Variants in LIN7B observed in about 807,000 individuals in gnomAD.
The protein encoded by LIN7B is lin-7 cell polarity scaffold B.
In LIN7B, 16 loss-of-function variants were observed where a neutral mutation model predicts 27.9. That is an observed-to-expected ratio of 0.57 (90% CI 0.39 to 0.87). The LOEUF is 0.87. LIN7B is among the 40% of genes least tolerant of loss of function. LIN7B has a pLI of 0.00. For synonymous variants in LIN7B, 147 were observed against 120.8 expected, an observed-to-expected ratio of 1.22 and a Z score of -1.42; for missense variants, 291 against 288.5, an observed-to-expected ratio of 1.01 and a Z score of -0.06.
chr19:49,114,473 G>A (rs2040789969), intron 1 of LIN7B, 32 bp downstream of exon 1: 2 of 1,205,542 alleles, frequency 1.7e-6, no homozygotes. Context: ...CTGCCCACCC[G>A]GGCCGCGGCC....
intron 4 of LIN7B, among the ~76,000 whole-genome samples, chr19:49,117,502 G>C (rs916556048): frequency 6.6e-6 from 1 of 152,140 alleles, no homozygotes; most frequent in African/African-American, 2.4e-5. Context: ...GGAGGCTGGG[G>C]TAAGAGTCCA....
rs142016055 is a variant in LIN7B, at chr19:49,118,138, C to T, written c.602+120C>T. On this transcript the variant is annotated intron_variant, in intron 5 of 5. Coordinates refer to ENST00000221459, the MANE Select transcript of LIN7B (RefSeq NM_022165.3). ...CCTGGCCCCTCCTCTGGGATCCTGA[C>T]CCTTGACCCTTGGCCCAGGCTCTCA... 1.2e-4 allele frequency: 180 copies of T among 1,486,252 alleles called. No homozygotes were observed. The African/African-American group carries it at 2.4e-3, about 20-fold the overall frequency. 92.1% of individuals were successfully genotyped at this position (1,486,252 alleles called of 1,614,324 possible). A position where few individuals can be genotyped will look rare whatever the true frequency, so the allele number is the denominator to read the frequency against.
chr19:49,116,187 C>T (rs774999303), intron 3 of LIN7B, 76 bp from the exon 4 acceptor site: 16 of 1,316,752 alleles, frequency 1.2e-5, no homozygotes, highest in East Asian at 1.2e-4. Flanking sequence ...TCGCTGTCCT[C>T]GGTCCACATC....
chr19:49,116,228 G>A, intron 3 of LIN7B, 35 bp from the exon 4 acceptor site: 1 of 1,585,570 alleles, frequency 6.3e-7, no homozygotes, highest in Non-Finnish European at 8.6e-7. Flanking sequence ...CTACCTGGAA[G>A]GGGCCCTCAT....
intron 3 of LIN7B, 56 bp downstream of exon 3, chr19:49,115,387 A>T: frequency 7.1e-7 from 1 of 1,418,380 alleles, no homozygotes; most frequent in Non-Finnish European, 9.7e-7. Flanking sequence ...GTCGAACTCA[A>T]TATCTCCTTC....
At chr19:49,118,054 A>T in intron 5 of LIN7B, 36 bp downstream of exon 5, 1 of 1,610,316 alleles carries the variant, frequency 6.2e-7, no homozygotes, top group Non-Finnish European at 8.5e-7. Context: ...TGGGGCCTCC[A>T]CGGGCTCCCT....
Position 49,114,859 on chromosome 19 carries a change from G to A in LIN7B, c.48G>A (p.Arg16=). The change falls in exon 2 of 6, where the codon CGG becomes CGA. Residue 16 remains arginine (R), a synonymous_variant. Transcript: ENST00000221459. ...GCCCCCGCCCCGCAGACGTGTCCCGGGCGGTTGAGCTCCTCGAGCGGCTCC... is the reference window on the plus strand; with the variant it reads ...GCCCCCGCCCCGCAGACGTGTCCCGAGCGGTTGAGCTCCTCGAGCGGCTCC... ...EPLGLERDVS[R]AVELLERLQR... is the part of the protein sequence containing the mutation. The A allele has an allele frequency of 6.8e-7, 1 of 1,461,588 alleles. No individual in the cohort carries two copies. The highest frequency in any genetic ancestry group is 1.3e-5 in the South Asian group (1 of 74,300). 90.5% of individuals were successfully genotyped at this position (1,461,588 alleles called of 1,614,324 possible).
chr19:49,114,791 C>G (rs1056377013), intron 1 of LIN7B, 58 bp from the exon 2 acceptor site: 3 of 1,063,194 alleles, frequency 2.8e-6, no homozygotes, highest in Non-Finnish European at 3.8e-6. Context: ...CTCCTTGCTT[C>G]TCTGCGTCTC....
chr19:49,114,968 G>C lies in LIN7B; in HGVS notation c.156+1G>C. 1 of 1,422,568 alleles carries C rather than the reference G, an allele frequency of 7.0e-7. No individual in the cohort carries two copies. Among genetic ancestry groups the C allele is most frequent in the Non-Finnish European group, 9.2e-7 (1 of 1,088,282 alleles). The allele number at this position is 1,422,568 out of a possible 1,614,324, so 88.1% of individuals were successfully genotyped here. A position where few individuals can be genotyped will look rare whatever the true frequency, so the allele number is the denominator to read the frequency against. ...CCGCTTCTGCTCCGCTATCCGAGAGGTGAGGGGCGCGCGGCGCAGGGGCGC... is the reference window on the plus strand; with the variant it reads ...CCGCTTCTGCTCCGCTATCCGAGAGCTGAGGGGCGCGCGGCGCAGGGGCGC... On this transcript the variant is annotated splice_donor_variant, in intron 2 of 5. Coordinates refer to ENST00000221459, the MANE Select transcript of LIN7B (RefSeq NM_022165.3). LOFTEE classifies it high-confidence loss of function.
At chr19:49,115,466 A>G in intron 3 of LIN7B, 135 bp downstream of exon 3, 2 of 740,608 alleles carry the variant, frequency 2.7e-6, no homozygotes, top group Non-Finnish European at 2.2e-6. Flanking sequence ...CTATTAGTAA[A>G]TAATCGCACA....
chr19:49,115,379 C>A (rs548906696), intron 3 of LIN7B, 48 bp downstream of exon 3: 2 of 1,464,384 alleles, frequency 1.4e-6, no homozygotes, highest in African/African-American at 1.4e-5. Flanking sequence ...ACTGCCTAGT[C>A]GAACTCAATA....
At chr19:49,115,027 C>A in intron 2 of LIN7B, 60 bp downstream of exon 2, 1 of 1,153,836 alleles carries the variant, frequency 8.7e-7, no homozygotes, top group Non-Finnish European at 1.2e-6. Context: ...CCTCCTCCTC[C>A]TGCTTGTCCC....
intron 5 of LIN7B, 134 bp downstream of exon 5, chr19:49,118,152 C>A (rs1193930145): frequency 6.9e-7 from 1 of 1,448,936 alleles, no homozygotes; most frequent in Non-Finnish European, 9.4e-7. Flanking sequence ...TGACCCTTGG[C>A]CCAGGCTCTC....
At chr19:49,117,493 G>A (rs1439539753) in intron 4 of LIN7B, among the ~76,000 whole-genome samples, 1 of 152,118 alleles carries the variant, frequency 6.6e-6, no homozygotes, top group Non-Finnish European at 1.5e-5. Flanking sequence ...GGCCAGGGAG[G>A]AGGCTGGGGT....
intron 3 of LIN7B, chr19:49,115,571 A>G (rs376695670): frequency 1.4e-5 from 6 of 437,890 alleles, no homozygotes. Flanking sequence ...ACATCTGTAC[A>G]GTGCAAACCA....
chr19:49,116,496 C>G lies in LIN7B; in HGVS notation c.438+24C>G. On this transcript the variant is annotated intron_variant, in intron 4 of 5. Transcript: ENST00000221459. ...TGGTGAGTGGAGGGCTGAGGCAGGA[C>G]TGGGGGACACAGTCTGTCTAACGTA... 2.5e-6 allele frequency: 4 copies of G among 1,599,650 alleles called. No homozygotes were observed. The South Asian group carries it at 4.4e-5, about 18-fold the overall frequency.
chr19:49,115,648 C>G (rs147126907), intron 3 of LIN7B, among the ~76,000 whole-genome samples: 1 of 151,920 alleles, frequency 6.6e-6, no homozygotes, highest in Admixed American at 6.6e-5. Context: ...TGCTGCTGTC[C>G]GGAGGCTCAG....
At chr19:49,118,055 C>T (rs533792828) in intron 5 of LIN7B, 37 bp downstream of exon 5, 3 of 1,609,720 alleles carry the variant, frequency 1.9e-6, no homozygotes, top group Non-Finnish European at 1.7e-6. Context: ...GGGGCCTCCA[C>T]GGGCTCCCTT....
chr19:49,117,724 C>T, intron 4 of LIN7B, 131 bp from the exon 5 acceptor site: 2 of 749,184 alleles, frequency 2.7e-6, no homozygotes, highest in South Asian at 3.3e-5. Flanking sequence ...TAATGACTCC[C>T]ACGAGGAGGA....
Sources: allele counts gnomAD v4.1 joint callset (sites outside exome capture counted in the v4.1 genomes callset), GRCh38; gene constraint gnomAD v4.1.1; transcripts MANE v1.5; gene names NCBI Gene and HGNC (gene_info 2026-07-23, HGNC 2026-07-21).